UGGT2: variants seen among roughly 807,000 people sequenced by gnomAD.
UGGT2 encodes UDP-glucose glycoprotein glucosyltransferase 2.
Under a neutral mutation model 192.1 loss-of-function variants are expected in UGGT2, and 180 were observed. That is an observed-to-expected ratio of 0.94 (90% CI 0.83 to 1.06). The LOEUF (loss-of-function observed/expected upper bound fraction) is 1.06. UGGT2 is among the 50% of genes least tolerant of loss of function. UGGT2 has a pLI of 0.00. For synonymous variants in UGGT2, 580 were observed against 591.0 expected, an observed-to-expected ratio of 0.98 and a Z score of 0.27; for missense variants, 1,849 against 1,795.7, an observed-to-expected ratio of 1.03 and a Z score of -0.54.
intron 13 of UGGT2, 37 bp from the exon 14 acceptor site, chr13:95,948,118 C>T (rs1184125756): frequency 2.7e-6 from 4 of 1,492,034 alleles, no homozygotes; most frequent in Non-Finnish European, 3.7e-6. Flanking sequence ...ATTTCAACAC[C>T]TTAGAATCTT....
chr13:96,053,346 C>A lies in UGGT2; in HGVS notation c.-34G>T. ...GAGAAAAGCGCGAGTCCCTCGGACC[C>A]GGTACCCACAGTCTGTGGCCGCCAC... is the stretch of plus-strand genomic sequence containing the variant. On this transcript the variant is annotated 5_prime_UTR_variant, in exon 1 of 39. Coordinates refer to ENST00000376747, the MANE Select transcript of UGGT2 (RefSeq NM_020121.4). 2 of 1,569,780 alleles carry A rather than the reference C, an allele frequency of 1.3e-6. No individual in the cohort carries two copies. The highest frequency in any genetic ancestry group is 2.4e-5 in the East Asian group (1 of 41,902).
chr13:95,920,227 G>A (rs548251225), intron 20 of UGGT2, among the ~76,000 whole-genome samples: 5 of 152,064 alleles, frequency 3.3e-5, no homozygotes, highest in South Asian at 4.2e-4. Context: ...TGTAAAACCC[G>A]AAACTATTAA....
intron 38 of UGGT2, 75 bp from the exon 39 acceptor site, chr13:95,801,887 T>C: frequency 6.4e-7 from 1 of 1,561,220 alleles, no homozygotes; most frequent in African/African-American, 1.4e-5. Flanking sequence ...TTACATATGA[T>C]GAGGAAGCAC....
intron 36 of UGGT2, among the ~76,000 whole-genome samples, chr13:95,847,031 C>A (rs1446574275): frequency 6.8e-6 from 1 of 146,556 alleles, no homozygotes; most frequent in Non-Finnish European, 1.5e-5. Flanking sequence ...TAAAAATCTA[C>A]AAAAATGCAT....
intron 20 of UGGT2, among the ~76,000 whole-genome samples, chr13:95,903,441 TACC>T (rs1443231326): frequency 1.3e-5 from 2 of 152,180 alleles, no homozygotes; most frequent in African/African-American, 4.8e-5. Context: ...CTCTGTCAAT[TACC>T]ACACCCTCCC....
chr13:96,011,864 T>C (rs1226210219), intron 5 of UGGT2, among the ~76,000 whole-genome samples: 1 of 152,056 alleles, frequency 6.6e-6, no homozygotes, highest in Non-Finnish European at 1.5e-5. Context: ...CAAAGCTCAA[T>C]ATATATGAAG....
At chr13:95,883,654 C>T (rs1226463142) in intron 27 of UGGT2, among the ~76,000 whole-genome samples, 2 of 152,134 alleles carry the variant, frequency 1.3e-5, no homozygotes, top group Non-Finnish European at 2.9e-5. Flanking sequence ...CTTCCCCTTC[C>T]ACCGTGATGC....
chr13:95,884,065 CAAAA>C (rs35937679), intron 27 of UGGT2, among the ~76,000 whole-genome samples: 2 of 73,960 alleles, frequency 2.7e-5, no homozygotes, highest in East Asian at 3.9e-4. Context: ...GCTGTGAGGC[CAAAA>C]AAAAAAAAAA....
chr13:95,868,896 T>G (rs1004115518), intron 29 of UGGT2, among the ~76,000 whole-genome samples: 9 of 152,002 alleles, frequency 5.9e-5, no homozygotes, highest in African/African-American at 2.2e-4. Flanking sequence ...TTTTTTTTAT[T>G]TATTATACTT....
intron 9 of UGGT2, chr13:95,984,998 G>A (rs2140875980): frequency 6.3e-6 from 1 of 159,626 alleles, no homozygotes; most frequent in African/African-American, 2.4e-5. Context: ...ATATGCTCAA[G>A]CCTACAATTT....
At chr13:95,814,471 T>C (rs1162611318) in intron 38 of UGGT2, among the ~76,000 whole-genome samples, 2 of 152,246 alleles carry the variant, frequency 1.3e-5, no homozygotes, top group African/African-American at 4.8e-5. Context: ...CCCCTTTCTT[T>C]TGGCCAATTT....
intron 12 of UGGT2, among the ~76,000 whole-genome samples, chr13:95,956,029 A>G (rs1374226189): frequency 1.3e-5 from 2 of 152,232 alleles, no homozygotes; most frequent in African/African-American, 4.8e-5. Context: ...ACTCTGCTCA[A>G]TAAATTTAAG....
chr13:96,022,591 T>TA (rs1249647288), intron 4 of UGGT2, among the ~76,000 whole-genome samples: 1 of 151,850 alleles, frequency 6.6e-6, no homozygotes, highest in African/African-American at 2.4e-5. Flanking sequence ...AGTATTACTC[T>TA]AAAAAATCAC....
chr13:95,842,556 T>C (rs1887979067), intron 36 of UGGT2, among the ~76,000 whole-genome samples: 1 of 152,192 alleles, frequency 6.6e-6, no homozygotes, highest in Admixed American at 6.5e-5. Flanking sequence ...TCTCGTGCAA[T>C]TCCTTCTCCT....
intron 10 of UGGT2, among the ~76,000 whole-genome samples, chr13:95,980,394 G>C (rs370142899): frequency 3.3e-5 from 5 of 152,204 alleles, no homozygotes; most frequent in African/African-American, 1.2e-4. Flanking sequence ...ATATGTGGGA[G>C]CTAAGCTTTG....
chr13:96,033,871 G>T (rs2052915629), intron 1 of UGGT2, among the ~76,000 whole-genome samples: 1 of 152,208 alleles, frequency 6.6e-6, no homozygotes, highest in Non-Finnish European at 1.5e-5. Context: ...AACTGCCTGG[G>T]TGCCATGGAC....
chr13:95,860,404 G>T (rs932004893), intron 32 of UGGT2, among the ~76,000 whole-genome samples: 12 of 147,708 alleles, frequency 8.1e-5, no homozygotes, highest in East Asian at 5.9e-4. Flanking sequence ...ATGTCTATTT[G>T]CTAGCCTTGA....
rs2052850182 is a variant in UGGT2, at chr13:96,031,988, A to T, written c.159-17T>A. The T allele has an allele frequency of 7.6e-6, 12 of 1,572,636 alleles. No homozygotes were observed. Among genetic ancestry groups the T allele is most frequent in the Non-Finnish European group, 9.6e-6 (11 of 1,145,148 alleles). ...ATAAATTCACTATTAAAAAAATAGA[A>T]GTAATCGGTTAGTAGATGGAATTTA... On this transcript the variant is annotated splice_polypyrimidine_tract_variant and intron_variant, in intron 1 of 38. Transcript: ENST00000376747.
At chr13:95,969,327 G>A (rs1402996930) in intron 12 of UGGT2, among the ~76,000 whole-genome samples, 1 of 152,134 alleles carries the variant, frequency 6.6e-6, no homozygotes, top group East Asian at 1.9e-4. Flanking sequence ...ACATCATTTT[G>A]CTCTACTAAG....
Sources: gnomAD v4.1 joint callset for allele counts (sites outside exome capture counted in the v4.1 genomes callset) on GRCh38, gnomAD v4.1.1 for gene constraint, MANE v1.5 for transcripts, NCBI Gene and HGNC (gene_info 2026-07-23, HGNC 2026-07-21) for gene names.